CSMD2: variants seen among roughly 807,000 people sequenced by gnomAD.
The protein encoded by CSMD2 is CUB and sushi domain-containing protein 2.
A neutral mutation model predicts 398.5 loss-of-function variants in CSMD2; 130 were observed. The observed-to-expected ratio is 0.33, with a 90% confidence interval of 0.28 to 0.38. The LOEUF (loss-of-function observed/expected upper bound fraction) is 0.38. Ranked by LOEUF, CSMD2 falls within the 10% of genes least tolerant of loss-of-function variation. The pLI is 1.00. For missense variants in CSMD2, 3,829 were observed against 4,764.9 expected (o/e 0.80, Z 5.78); for synonymous variants, 1,828 against 1,908.5 (o/e 0.96, Z 1.10).
At chr1:33,832,461 A>G (rs925851375) in intron 6 of CSMD2, among the ~76,000 whole-genome samples, 1 of 144,612 alleles carries the variant, frequency 6.9e-6, no homozygotes, top group African/African-American at 2.6e-5. Context: ...AGGAGAACAA[A>G]GACACAACAT....
At chr1:33,912,397 C>T (rs112571317) in intron 5 of CSMD2, among the ~76,000 whole-genome samples, 10 of 137,390 alleles carry the variant, frequency 7.3e-5, no homozygotes, top group African/African-American at 2.1e-4. Flanking sequence ...CTTTGGACGA[C>T]CCCCGCATCA....
chr1:33,813,816 C>T (rs1200516871), intron 9 of CSMD2, among the ~76,000 whole-genome samples: 1 of 152,124 alleles, frequency 6.6e-6, no homozygotes, highest in African/African-American at 2.4e-5. Context: ...TGGCCTCCCT[C>T]CCAACCCTTT....
intron 56 of CSMD2, among the ~76,000 whole-genome samples, chr1:33,546,645 G>A (rs936859413): frequency 3.3e-5 from 5 of 151,882 alleles, no homozygotes; most frequent in South Asian, 2.1e-4. Context: ...AGAGCCTCCC[G>A]ACTAATGTCC....
At chr1:33,720,199 C>T (rs184903245) in intron 19 of CSMD2, among the ~76,000 whole-genome samples, 145 of 152,324 alleles carry the variant, frequency 9.5e-4, no homozygotes, top group African/African-American at 3.4e-3. Context: ...CCAAATGCTT[C>T]TTGAGTTCCT....
chr1:33,943,405 A>G (rs1013091973), intron 3 of CSMD2, among the ~76,000 whole-genome samples: 1 of 152,180 alleles, frequency 6.6e-6, no homozygotes, highest in African/African-American at 2.4e-5. Context: ...CCTCCTTGAT[A>G]CCCTAAGTGT....
intron 29 of CSMD2, among the ~76,000 whole-genome samples, chr1:33,641,917 T>G (rs1411132955): frequency 6.6e-6 from 1 of 152,128 alleles, no homozygotes; most frequent in East Asian, 1.9e-4. Flanking sequence ...AATAAATAAA[T>G]AAAAATGCCT....
intron 53 of CSMD2, among the ~76,000 whole-genome samples, chr1:33,564,641 G>A (rs1658882785): frequency 6.6e-6 from 1 of 152,104 alleles, no homozygotes; most frequent in Non-Finnish European, 1.5e-5. Context: ...AGGCTCAATG[G>A]ATCCTCCGAC....
intron 6 of CSMD2, 45 bp from the exon 7 acceptor site, chr1:33,825,819 G>T: frequency 6.6e-7 from 1 of 1,517,800 alleles, no homozygotes; most frequent in South Asian, 1.1e-5. Flanking sequence ...TGTTGCCTGT[G>T]ACCAGGGATA....
At chr1:34,016,187 T>C (rs545116636) in intron 3 of CSMD2, among the ~76,000 whole-genome samples, 1 of 152,306 alleles carries the variant, frequency 6.6e-6, no homozygotes. Context: ...GTTCTGAATG[T>C]GCAGGTTTGT....
chr1:33,735,303 T>A (rs1484009408), intron 15 of CSMD2, among the ~76,000 whole-genome samples: 1 of 152,220 alleles, frequency 6.6e-6, no homozygotes, highest in Non-Finnish European at 1.5e-5. Flanking sequence ...TTCCTAGGAC[T>A]GGTGCAAGGT....
intron 4 of CSMD2, among the ~76,000 whole-genome samples, chr1:33,924,100 G>A (rs554133564): frequency 7.2e-5 from 11 of 151,880 alleles, no homozygotes; most frequent in Non-Finnish European, 1.2e-4. Flanking sequence ...TTAACTCCTC[G>A]TATGAGTGTT....
chr1:33,631,413 G>C (rs1257880990), intron 32 of CSMD2, among the ~76,000 whole-genome samples: 2 of 152,024 alleles, frequency 1.3e-5, no homozygotes, highest in African/African-American at 4.8e-5. Context: ...AAAATAATGA[G>C]ACAAATTTAT....
intron 38 of CSMD2, 100 bp downstream of exon 38, chr1:33,617,399 G>T: frequency 2.3e-6 from 2 of 860,476 alleles, no homozygotes; most frequent in Non-Finnish European, 2.0e-6. Flanking sequence ...CCTGGGGGCT[G>T]CTCCCTGTTC....
chr1:33,984,704 G>A (rs1328227525), intron 3 of CSMD2, among the ~76,000 whole-genome samples: 1 of 152,138 alleles, frequency 6.6e-6, no homozygotes, highest in African/African-American at 2.4e-5. Context: ...GATCCCTTGG[G>A]TCCAGAAGTT....
At chr1:33,910,308 C>T (rs1643378161) in intron 5 of CSMD2, among the ~76,000 whole-genome samples, 1 of 152,214 alleles carries the variant, frequency 6.6e-6, no homozygotes, top group African/African-American at 2.4e-5. Flanking sequence ...TCCTCTCTTG[C>T]TCCCTGCACC....
intron 4 of CSMD2, among the ~76,000 whole-genome samples, chr1:33,922,889 G>A (rs1643993583): frequency 1.3e-5 from 2 of 152,008 alleles, no homozygotes; most frequent in South Asian, 4.2e-4. Flanking sequence ...TCCTCCTCCA[G>A]CCCATCCATT....
chr1:33,888,836 C>T (rs1041205789), intron 5 of CSMD2, among the ~76,000 whole-genome samples: 1 of 151,932 alleles, frequency 6.6e-6, no homozygotes, highest in African/African-American at 2.4e-5. Flanking sequence ...GGCGCAATAT[C>T]GGCTCACTGC....
chr1:33,864,526 A>T (rs1162472280), intron 5 of CSMD2: 1 of 1,614,112 alleles, frequency 6.2e-7, no homozygotes, highest in South Asian at 1.1e-5. Flanking sequence ...GCTCAGCTGA[A>T]GAGGGAGAAC....
intron 12 of CSMD2, among the ~76,000 whole-genome samples, chr1:33,784,039 G>A (rs1036447881): frequency 3.9e-5 from 6 of 152,118 alleles, no homozygotes; most frequent in Admixed American, 3.3e-4. Context: ...AGGTGGGTGG[G>A]TTTGAGACAG....
Sources: gnomAD v4.1 joint callset for allele counts (sites outside exome capture counted in the v4.1 genomes callset) on GRCh38, gnomAD v4.1.1 for gene constraint, MANE v1.5 for transcripts, NCBI Gene and HGNC (gene_info 2026-07-23, HGNC 2026-07-21) for gene names.